Variants in STXBP5L observed in about 807,000 individuals in gnomAD.
STXBP5L encodes the protein syntaxin binding protein 5L.
In STXBP5L, 65 loss-of-function variants were observed where a neutral mutation model predicts 144.5. The ratio of observed to expected loss-of-function variants is 0.45; its 90% CI spans 0.37 to 0.55. The LOEUF (loss-of-function observed/expected upper bound fraction) is 0.55, where lower values mean the gene tolerates loss of function less well. STXBP5L is among the 20% of genes least tolerant of loss of function. The pLI is 0.00. For missense variants in STXBP5L, 1,298 were observed against 1,405.5 expected, an observed-to-expected ratio of 0.92 and a Z score of 1.22; for synonymous variants, 505 against 469.6, an observed-to-expected ratio of 1.08 and a Z score of -0.97.
chr3:121,416,098 T>TA (rs1419420190), intron 25 of STXBP5L, 130 bp downstream of exon 25: 1 of 660,186 alleles, frequency 1.5e-6, no homozygotes, highest in Non-Finnish European at 2.5e-6. Context: ...GCATCTATCT[T>TA]AAAGTTTGAA....
At chr3:121,011,337 G>A (rs1944758537) in intron 3 of STXBP5L, among the ~76,000 whole-genome samples, 2 of 151,126 alleles carry the variant, frequency 1.3e-5, no homozygotes, top group South Asian at 2.1e-4. Context: ...TCTCAGTATG[G>A]TCTCCTGGTT....
chr3:121,061,871 T>C (rs1438354686), intron 5 of STXBP5L, among the ~76,000 whole-genome samples: 1 of 152,162 alleles, frequency 6.6e-6, no homozygotes. Context: ...TCTTTGCACA[T>C]GAGATGGGTC....
intron 5 of STXBP5L, among the ~76,000 whole-genome samples, chr3:121,051,351 G>A (rs1350682316): frequency 6.6e-6 from 1 of 152,064 alleles, no homozygotes; most frequent in Non-Finnish European, 1.5e-5. Flanking sequence ...GCTCTCCTCA[G>A]CAAATGTAAA....
At chr3:120,966,809 G>T (rs1939637787) in intron 3 of STXBP5L, among the ~76,000 whole-genome samples, 1 of 152,148 alleles carries the variant, frequency 6.6e-6, no homozygotes, top group South Asian at 2.1e-4. Context: ...ATGCTGTGCT[G>T]GGAGAATCAC....
chr3:121,128,507 T>G (rs551200403), intron 7 of STXBP5L, among the ~76,000 whole-genome samples: 1 of 152,208 alleles, frequency 6.6e-6, no homozygotes, highest in African/African-American at 2.4e-5. Context: ...TTGAGAAGCT[T>G]GGTAGTGGTT....
At position 121,142,191 on chromosome 3, in the gene STXBP5L, A is replaced by C. The variant is rs529734361; in HGVS notation, c.670-10286A>C. 1.8e-4 allele frequency among the ~76,000 whole-genome samples: 28 copies of C among 152,150 alleles called. No homozygotes were observed. The South Asian group carries it at 5.2e-3, about 28-fold the overall frequency. ...ACAAAGAAGGACAATAAAAAGGTCTATCCACCAAGAAGAAAATAATGATTA... is the reference window on the plus strand; with the variant it reads ...ACAAAGAAGGACAATAAAAAGGTCTCTCCACCAAGAAGAAAATAATGATTA... On this transcript the variant is annotated intron_variant, in intron 7 of 26. Coordinates refer to ENST00000471454, the MANE Select transcript of STXBP5L (RefSeq NM_001308330.2).
intron 9 of STXBP5L, among the ~76,000 whole-genome samples, chr3:121,199,980 G>C (rs1400484479): frequency 6.6e-6 from 1 of 152,090 alleles, no homozygotes; most frequent in East Asian, 1.9e-4. Flanking sequence ...TTTGGTATCA[G>C]GATGATGCTG....
intron 13 of STXBP5L, among the ~76,000 whole-genome samples, chr3:121,239,610 A>G (rs983764926): frequency 1.3e-5 from 2 of 150,466 alleles, no homozygotes. Context: ...TCGCAAGAAC[A>G]AAAAACCAAA....
At chr3:121,137,179 A>G (rs2045296475) in intron 7 of STXBP5L, among the ~76,000 whole-genome samples, 1 of 152,158 alleles carries the variant, frequency 6.6e-6, no homozygotes, top group Non-Finnish European at 1.5e-5. Flanking sequence ...CCCTGATAAC[A>G]TGCAATTTCC....
chr3:120,989,987 G>T (rs1274787429), intron 3 of STXBP5L, among the ~76,000 whole-genome samples: 2 of 152,074 alleles, frequency 1.3e-5, no homozygotes, highest in Non-Finnish European at 2.9e-5. Flanking sequence ...GAAATAAAGG[G>T]TATTCAATTA....
At chr3:120,974,527 G>A (rs1940700651) in intron 3 of STXBP5L, among the ~76,000 whole-genome samples, 1 of 151,790 alleles carries the variant, frequency 6.6e-6, no homozygotes, top group African/African-American at 2.4e-5. Flanking sequence ...CTTTTGCTGT[G>A]CAGAAGCTCT....
In STXBP5L at chr3:121,232,378, G is replaced by C. The variant is rs1484502946; in HGVS notation, c.1112-1238G>C. On this transcript the variant is annotated intron_variant, in intron 11 of 26. Coordinates refer to ENST00000471454, the MANE Select transcript of STXBP5L (RefSeq NM_001308330.2). ...GCTGAGAGTTGGTCACTTGTACAGA[G>C]ATTAATTCACCACAAAATAAAAATA... is the stretch of plus-strand genomic sequence containing the variant. Among the ~76,000 whole-genome samples, 4 of 151,984 alleles carry C rather than the reference G, an allele frequency of 2.6e-5. No individual in the cohort carries two copies. In the South Asian group the frequency reaches 8.3e-4, roughly 31 times the overall value.
At chr3:121,135,045 C>G (rs2045182940) in intron 7 of STXBP5L, among the ~76,000 whole-genome samples, 1 of 152,214 alleles carries the variant, frequency 6.6e-6, no homozygotes, top group Admixed American at 6.5e-5. Context: ...GTTCCTATTT[C>G]TCCACATCTT....
intron 3 of STXBP5L, among the ~76,000 whole-genome samples, chr3:121,014,333 G>A (rs369314294): frequency 5.5e-4 from 84 of 151,768 alleles, no homozygotes; most frequent in South Asian, 1.7e-3. Context: ...AACATCCACC[G>A]TAGGAAAACA....
chr3:120,946,644 C>T (rs2107670165), intron 2 of STXBP5L, among the ~76,000 whole-genome samples: 1 of 151,812 alleles, frequency 6.6e-6, no homozygotes, highest in East Asian at 1.9e-4. Flanking sequence ...CACATTATGA[C>T]AGTATTAAGC....
At chr3:121,114,152 G>T (rs945098389) in intron 5 of STXBP5L, among the ~76,000 whole-genome samples, 3 of 152,124 alleles carry the variant, frequency 2.0e-5, no homozygotes, top group African/African-American at 7.2e-5. Context: ...ATAATGTTGT[G>T]AATAGAGGAC....
intron 23 of STXBP5L, among the ~76,000 whole-genome samples, chr3:121,408,297 C>A (rs1372400180): frequency 1.3e-5 from 2 of 151,804 alleles, no homozygotes; most frequent in Non-Finnish European, 2.9e-5. Context: ...AGCTCATAAA[C>A]GTATACTATA....
intron 19 of STXBP5L, among the ~76,000 whole-genome samples, chr3:121,298,247 AG>A (rs1343856434): frequency 5.3e-5 from 8 of 152,174 alleles, no homozygotes; most frequent in African/African-American, 1.9e-4. Context: ...CCTGATAATT[AG>A]TGATGTTGAT....
At chr3:121,211,681 C>T (rs550814818) in intron 10 of STXBP5L, among the ~76,000 whole-genome samples, 18 of 147,052 alleles carry the variant, frequency 1.2e-4, no homozygotes, top group Middle Eastern at 3.6e-3. Flanking sequence ...GGGGTTCAAG[C>T]GATTCTCCTG....
Sources: gnomAD v4.1 joint callset for allele counts (sites outside exome capture counted in the v4.1 genomes callset) on GRCh38, gnomAD v4.1.1 for gene constraint, MANE v1.5 for transcripts, NCBI Gene and HGNC (gene_info 2026-07-23, HGNC 2026-07-21) for gene names.